The following N4BP2 variants were observed in gnomAD, a reference collection of about 807,000 sequenced individuals.
N4BP2 encodes NEDD4 binding protein 2, also known as NEDD4-binding protein 2.
Under a neutral mutation model 152.8 loss-of-function variants are expected in N4BP2, and 91 were observed. The ratio of observed to expected loss-of-function variants is 0.60; its 90% CI spans 0.50 to 0.71. The LOEUF is 0.71. Ranked by LOEUF, N4BP2 falls within the 30% of genes least tolerant of loss-of-function variation. The probability of loss-of-function intolerance (pLI) is 0.00; values close to 1 mark genes in which losing one functional copy is unlikely to be tolerated. For missense variants in N4BP2, 1,923 were observed against 2,059.1 expected (o/e 0.93, Z 1.28); for synonymous variants, 646 against 705.3 (o/e 0.92, Z 1.33).
chr4:40,065,584 G>T (rs750283956), intron 1 of N4BP2, among the ~76,000 whole-genome samples: 95 of 152,244 alleles, frequency 6.2e-4, no homozygotes, highest in Middle Eastern at 6.8e-3. Flanking sequence ...GGATTGTATT[G>T]GGTCAAGGAG....
At chr4:40,143,308 C>CTTTA (rs897721544) in intron 15 of N4BP2, among the ~76,000 whole-genome samples, 3 of 151,868 alleles carry the variant, frequency 2.0e-5, no homozygotes, top group Non-Finnish European at 4.4e-5. Flanking sequence ...AAGGAACTTG[C>CTTTA]TTTATTTATT....
At chr4:40,183,069 T>G in the N4BP2 span, among the ~76,000 whole-genome samples, 1 of 152,172 alleles carries the variant, frequency 6.6e-6, no homozygotes, top group African/African-American at 2.4e-5. Context: ...CCTAAGACAA[T>G]TCCTGTTAGT....
At chr4:40,124,793 G>A (rs1488300217) in intron 11 of N4BP2, among the ~76,000 whole-genome samples, 1 of 152,158 alleles carries the variant, frequency 6.6e-6, no homozygotes, top group East Asian at 1.9e-4. Flanking sequence ...TTGAGGTTTT[G>A]CTCTGCATGA....
In N4BP2 at chr4:40,122,002, T is replaced by G; in HGVS notation, c.3891T>G (p.Leu1297=). Residue 1297 remains leucine (L), a synonymous_variant, in exon 9 of 18, where the codon CTT becomes CTG. Transcript: ENST00000261435. ...IFNFVSSTSN[L]ELNEEIYFTD... The stretch of plus-strand genomic sequence containing the variant: ...ACTTTGTATCTAGTACTTCAAATCT[T>G]GAATTAAATGAAGAAATTTATTTTA... 3.2e-6 allele frequency: 5 copies of G among 1,541,658 alleles called. No homozygotes were observed. Among genetic ancestry groups the G allele is most frequent in the Non-Finnish European group, 4.4e-6 (5 of 1,139,682 alleles).
At chr4:40,162,271 G>A (rs918927098), downstream of N4BP2, among the ~76,000 whole-genome samples, 13 of 152,118 alleles carry the variant, frequency 8.5e-5, no homozygotes, top group Non-Finnish European at 1.6e-4. Flanking sequence ...GGGGGCGAAG[G>A]CAGGCAGATC....
chr4:40,117,555 A>G (rs1402150677), intron 7 of N4BP2, among the ~76,000 whole-genome samples: 1 of 152,248 alleles, frequency 6.6e-6, no homozygotes, highest in African/African-American at 2.4e-5. Context: ...TCAACCAAAT[A>G]TGAGCTTATA....
At chr4:40,097,922 G>A (rs947965368) in intron 3 of N4BP2, among the ~76,000 whole-genome samples, 2 of 151,976 alleles carry the variant, frequency 1.3e-5, no homozygotes, top group South Asian at 2.1e-4. Flanking sequence ...GTTTAGCAGC[G>A]TCCCTGGCCT....
chr4:40,059,063 C>T (rs150665854), intron 1 of N4BP2, among the ~76,000 whole-genome samples: 1 of 152,144 alleles, frequency 6.6e-6, no homozygotes, highest in Admixed American at 6.5e-5. Context: ...TCAAGCAATC[C>T]AACTGCCTCC....
rs1189515704 is a variant in N4BP2 at position 40,122,255 on chromosome 4, C to G, written c.4144C>G (p.Pro1382Ala). The G allele has an allele frequency of 6.3e-7, 1 of 1,596,196 alleles. No homozygotes were observed. Among genetic ancestry groups the G allele is most frequent in the Non-Finnish European group, 8.5e-7 (1 of 1,170,274 alleles). ...AGACTGTCTGGAATTGGCATTACCC[C>G]CTGAACTGGCTTTTCAACTTAATGA... The part of the protein sequence containing the change: ...TIDCLELALP[P>A]ELAFQLNELF... Residue 1382 changes from proline (P) to alanine (A), a missense_variant, in exon 9 of 18, where the codon CCT becomes GCT. Coordinates refer to ENST00000261435, the MANE Select transcript of N4BP2 (RefSeq NM_018177.6).
chr4:40,092,549 G>A (rs1158952937), intron 2 of N4BP2, among the ~76,000 whole-genome samples: 1 of 150,526 alleles, frequency 6.6e-6, no homozygotes, highest in Admixed American at 6.6e-5. Context: ...TAGTCTTTCA[G>A]TTTTATAGAT....
At chr4:40,112,246 A>C in intron 6 of N4BP2, 74 bp downstream of exon 6, 1 of 863,290 alleles carries the variant, frequency 1.2e-6, no homozygotes, top group Non-Finnish European at 1.9e-6. Context: ...TATGAAAGTG[A>C]ATCTGAAGCA....
In N4BP2 at chr4:40,152,870, C is replaced by T; in HGVS notation, c.5234C>T (p.Ala1745Val). 6.2e-7 allele frequency: 1 copy of T among 1,614,030 alleles called. No homozygotes were observed. The highest frequency in any genetic ancestry group is 8.5e-7 in the Non-Finnish European group (1 of 1,179,952). The change falls in exon 17 of 18, where the codon GCT becomes GTT. Residue 1745 changes from alanine (A) to valine (V), a missense_variant. Coordinates refer to ENST00000261435, the MANE Select transcript of N4BP2 (RefSeq NM_018177.6). Reference sequence around the variant, plus strand: ...GGAGGAGTTGCTCGCATCAAACCAGCTGTCATTAAGTACCTCATAAGCCAT... The same window carrying T: ...GGAGGAGTTGCTCGCATCAAACCAGTTGTCATTAAGTACCTCATAAGCCAT... ...SQGGVARIKP[A>V]VIKYLISHSF... is the part of the protein sequence containing the mutation.
At chr4:40,082,330 T>TA (rs1415143050) in intron 2 of N4BP2, among the ~76,000 whole-genome samples, 5 of 151,118 alleles carry the variant, frequency 3.3e-5, no homozygotes, top group Non-Finnish European at 7.4e-5. Flanking sequence ...AATGGCTGTC[T>TA]AAATTTCCAT....
At chr4:40,180,656 G>A in the N4BP2 span, among the ~76,000 whole-genome samples, 1 of 152,138 alleles carries the variant, frequency 6.6e-6, no homozygotes, top group South Asian at 2.1e-4. Context: ...AGCACTGTTG[G>A]TAATAGCAAA....
At chr4:40,139,638 C>T (rs1719723129) in intron 14 of N4BP2, among the ~76,000 whole-genome samples, 1 of 151,064 alleles carries the variant, frequency 6.6e-6, no homozygotes, top group South Asian at 2.1e-4. Context: ...ATTACAGGTG[C>T]CTGCCACCAC....
rs1480740979 is a variant in N4BP2 at position 40,120,509 on chromosome 4, A to C, written c.2398A>C (p.Arg800=). ...DWPVDKTIGQ[R]TKRNRKTEKT... is the part of the protein sequence containing the mutation. Reference sequence around the variant, plus strand: ...GCCAGTTGATAAGACTATTGGTCAGAGGACAAAAAGGAACAGAAAAACTGA... The same window carrying C: ...GCCAGTTGATAAGACTATTGGTCAGCGGACAAAAAGGAACAGAAAAACTGA... The change falls in exon 9 of 18, where the codon AGG becomes CGG. Residue 800 remains arginine (R), a synonymous_variant. Transcript: ENST00000261435. 1 of 1,613,526 alleles carries C rather than the reference A, an allele frequency of 6.2e-7. No individual in the cohort carries two copies. The highest frequency in any genetic ancestry group is 1.7e-5 in the Admixed American group (1 of 59,864).
intron 13 of N4BP2, 33 bp downstream of exon 13, chr4:40,131,952 C>A (rs1342669238): frequency 2.4e-6 from 3 of 1,265,068 alleles, no homozygotes; most frequent in Admixed American, 1.7e-5. Context: ...GTAGTTTCTA[C>A]TCTGATGTCA....
chr4:40,105,109 G>A (rs1279836969), intron 4 of N4BP2, among the ~76,000 whole-genome samples: 1 of 152,072 alleles, frequency 6.6e-6, no homozygotes, highest in Admixed American at 6.6e-5. Context: ...ACAATCCTGC[G>A]TTGTCTTGAA....
the N4BP2 span, among the ~76,000 whole-genome samples, chr4:40,184,703 C>A: frequency 6.6e-6 from 1 of 152,136 alleles, no homozygotes; most frequent in Admixed American, 6.5e-5. Flanking sequence ...TGCCTGTAAT[C>A]CCAGCACTTT....
Sources: gnomAD v4.1 joint callset for allele counts (sites outside exome capture counted in the v4.1 genomes callset) on GRCh38, gnomAD v4.1.1 for gene constraint, MANE v1.5 for transcripts, NCBI Gene and HGNC (gene_info 2026-07-23, HGNC 2026-07-21) for gene names.